The following PI15 variants were observed in gnomAD, a reference collection of about 807,000 sequenced individuals.
PI15 encodes the protein 25 kDa trypsin inhibitor.
PI15 carries 18 observed loss-of-function variants against 31.0 expected under a neutral mutation model. The observed-to-expected ratio is 0.58, with a 90% confidence interval of 0.40 to 0.86. The LOEUF is 0.86. Ranked by LOEUF, PI15 falls within the 40% of genes least tolerant of loss-of-function variation. The pLI is 0.00. For missense variants in PI15, 282 were observed against 328.1 expected (o/e 0.86, Z 1.09); for synonymous variants, 118 against 119.1 (o/e 0.99, Z 0.06).
chr8:74,854,190 A>C lies in PI15; in HGVS notation c.*4937A>C, dbSNP rs1310161773. On this transcript the variant is annotated 3_prime_UTR_variant, in exon 6 of 6. Coordinates refer to ENST00000260113, the MANE Select transcript of PI15 (RefSeq NM_015886.5). ...GTAACTATTATAGATAACATCCTAA[A>C]CCTTCAGTTTAGATATATAATTGAC... The C allele has an allele frequency of 6.6e-6, 1 of 152,184 alleles. No homozygotes were observed. The highest frequency in any genetic ancestry group is 2.4e-5 in the African/African-American group (1 of 41,568). The allele number at this position is 152,184 out of a possible 1,614,324, so 9.4% of individuals were successfully genotyped here.
chr8:74,840,878 TATTTGTGC>T (rs1420680609), intron 2 of PI15, among the ~76,000 whole-genome samples: 27 of 152,154 alleles, frequency 1.8e-4, no homozygotes, highest in African/African-American at 5.6e-4. Flanking sequence ...CAATATATAA[TATTTGTGC>T]ATAGAAATAC....
chr8:74,846,123 T>C (rs1037512833), intron 5 of PI15, among the ~76,000 whole-genome samples: 4 of 152,256 alleles, frequency 2.6e-5, no homozygotes, highest in African/African-American at 7.2e-5. Context: ...TACAATTCTG[T>C]TCCCATTTGG....
chr8:74,833,667 C>T (rs993696458), intron 2 of PI15, among the ~76,000 whole-genome samples: 5 of 152,172 alleles, frequency 3.3e-5, no homozygotes, highest in Admixed American at 6.6e-5. Flanking sequence ...ACATACACTT[C>T]AGTCACTATC....
At chr8:74,837,984 TG>T (rs1810894129) in intron 2 of PI15, among the ~76,000 whole-genome samples, 1 of 152,156 alleles carries the variant, frequency 6.6e-6, no homozygotes, top group African/African-American at 2.4e-5. Flanking sequence ...TATGAATTTT[TG>T]TTCTTTCCAT....
chr8:74,840,791 A>G (rs1019598110), intron 2 of PI15, among the ~76,000 whole-genome samples: 3 of 152,192 alleles, frequency 2.0e-5, no homozygotes, highest in African/African-American at 7.2e-5. Flanking sequence ...GGAGACAGGT[A>G]GAAACCCTCC....
At chr8:74,842,476 T>G (rs1038127398) in intron 2 of PI15, among the ~76,000 whole-genome samples, 1 of 152,270 alleles carries the variant, frequency 6.6e-6, no homozygotes, top group Admixed American at 6.5e-5. Context: ...TTTAAAATAA[T>G]TATTTTCAAC....
At chr8:74,837,599 CT>C (rs967274458) in intron 2 of PI15, among the ~76,000 whole-genome samples, 3 of 151,136 alleles carry the variant, frequency 2.0e-5, no homozygotes, top group East Asian at 1.9e-4. Context: ...TTTTTAATGG[CT>C]TTTTTTTTCA....
chr8:74,842,288 TA>T (rs1367984641), intron 2 of PI15, among the ~76,000 whole-genome samples: 1 of 152,130 alleles, frequency 6.6e-6, no homozygotes, highest in Admixed American at 6.5e-5. Context: ...AAGCTCCATG[TA>T]AATATAAGTG....
chr8:74,839,289 TG>T (rs1325763325), intron 2 of PI15, among the ~76,000 whole-genome samples: 2 of 152,192 alleles, frequency 1.3e-5, no homozygotes, highest in Admixed American at 6.6e-5. Context: ...TAGCTCATGG[TG>T]AATATTTTAG....
At chr8:74,847,880 A>G (rs557064684) in intron 5 of PI15, among the ~76,000 whole-genome samples, 1 of 152,190 alleles carries the variant, frequency 6.6e-6, no homozygotes, top group Admixed American at 6.5e-5. Context: ...CTTATCTTCA[A>G]CCCTGACTTT....
chr8:74,833,402 T>A (rs928688418), intron 2 of PI15, among the ~76,000 whole-genome samples: 2 of 152,054 alleles, frequency 1.3e-5, no homozygotes, highest in Non-Finnish European at 2.9e-5. Flanking sequence ...GTAAGCAAGC[T>A]CCTTAGAATC....
chr8:74,828,469 T>C lies in PI15; in HGVS notation c.273+2947T>C, dbSNP rs892047467. ...CCAGAGGGACTTGGAGGGAAGTAAGTATAGTAGGTGGCTTGGAGATTGAAG... is the reference window on the plus strand; with the variant it reads ...CCAGAGGGACTTGGAGGGAAGTAAGCATAGTAGGTGGCTTGGAGATTGAAG... On this transcript the variant is annotated intron_variant, in intron 2 of 5. Coordinates refer to ENST00000260113, the MANE Select transcript of PI15 (RefSeq NM_015886.5). Among the ~76,000 whole-genome samples the C allele has an allele frequency of 2.6e-5, 4 of 152,078 alleles. No individual in the cohort carries two copies. The South Asian group carries it at 6.2e-4, about 24-fold the overall frequency.
At chr8:74,826,345 T>C in intron 2 of PI15, 1 of 926,202 alleles carries the variant, frequency 1.1e-6, no homozygotes, top group East Asian at 1.2e-4. Flanking sequence ...ATCAATATGG[T>C]ATTTCCAAAT....
At chr8:74,845,742 C>T (rs1811016529) in intron 5 of PI15, 1 of 468,094 alleles carries the variant, frequency 2.1e-6, no homozygotes, top group African/African-American at 1.9e-5. Flanking sequence ...ACTAAATTCT[C>T]CTTACCATAT....
At chr8:74,839,116 T>G (rs1260693002) in intron 2 of PI15, among the ~76,000 whole-genome samples, 1 of 152,220 alleles carries the variant, frequency 6.6e-6, no homozygotes, top group Non-Finnish European at 1.5e-5. Context: ...TCTTTTCATA[T>G]TCCTTCTATC....
At position 74,825,598 on chromosome 8, in the gene PI15, C is replaced by T. The variant is rs893713204; in HGVS notation, c.273+76C>T. 5.8e-5 allele frequency: 70 copies of T among 1,202,552 alleles called. 1 individual carries two copies. The highest frequency in any genetic ancestry group is 1.3e-4 in the South Asian group (9 of 69,808). The allele number at this position is 1,202,552 out of a possible 1,614,324, so 74.5% of individuals were successfully genotyped here. ...TATTGTACATCTGCAGAATCTCAAA[C>T]GACCACGAGTGTTTATATGTCCGGG... is the stretch of plus-strand genomic sequence containing the variant. On this transcript the variant is annotated intron_variant, in intron 2 of 5. Transcript: ENST00000260113.
intron 2 of PI15, among the ~76,000 whole-genome samples, chr8:74,834,859 GGC>G (rs1491232888): frequency 1.3e-5 from 2 of 148,440 alleles, no homozygotes; most frequent in African/African-American, 5.0e-5. Context: ...AGAGTCAGTG[GGC>G]ACATTCTCCT....
intron 3 of PI15, among the ~76,000 whole-genome samples, chr8:74,844,408 C>T (rs1810990439): frequency 6.7e-6 from 1 of 148,888 alleles, no homozygotes. Context: ...CAGGAAAAAG[C>T]CCCATGACTG....
At chr8:74,845,342 G>A (rs780862543) in intron 4 of PI15, 40 bp from the exon 5 acceptor site, 1 of 1,588,472 alleles carries the variant, frequency 6.3e-7, no homozygotes, top group South Asian at 1.1e-5. Flanking sequence ...CATTGTCTTA[G>A]CTCTGACTTC....
Sources: allele counts gnomAD v4.1 joint callset (sites outside exome capture counted in the v4.1 genomes callset), GRCh38; gene constraint gnomAD v4.1.1; transcripts MANE v1.5; gene names NCBI Gene and HGNC (gene_info 2026-07-23, HGNC 2026-07-21).